The following FHOD3 variants were observed in gnomAD, a reference collection of about 807,000 sequenced individuals.
FHOD3 encodes FH1/FH2 domain-containing protein 3.
Under a neutral mutation model 173.0 loss-of-function variants are expected in FHOD3, and 90 were observed. The ratio of observed to expected loss-of-function variants is 0.52; its 90% CI spans 0.44 to 0.62. The LOEUF (loss-of-function observed/expected upper bound fraction) is 0.62. Among genes scored for constraint, FHOD3 ranks in the 20% least tolerant of loss-of-function variants. The probability of loss-of-function intolerance (pLI) is 0.00; values close to 1 mark genes in which losing one functional copy is unlikely to be tolerated. For synonymous variants in FHOD3, 828 were observed against 823.0 expected, an observed-to-expected ratio of 1.01 and a Z score of -0.10; for missense variants, 1,945 against 2,034.7, an observed-to-expected ratio of 0.96 and a Z score of 0.85.
At chr18:36,576,686 C>A in intron 6 of FHOD3, 141 bp downstream of exon 6, 4 of 527,896 alleles carry the variant, frequency 7.6e-6, no homozygotes, top group East Asian at 3.5e-5. Context: ...TACTACTCTA[C>A]AAATTTTAAG....
chr18:36,769,241 G>A (rs768751584), intron 27 of FHOD3, 24 bp from the exon 28 acceptor site: 13 of 1,612,732 alleles, frequency 8.1e-6, no homozygotes, highest in South Asian at 7.7e-5. Flanking sequence ...AGTATGTTGT[G>A]CACTCTGGCT....
At chr18:36,662,441 T>TC (rs2036874340) in intron 14 of FHOD3, among the ~76,000 whole-genome samples, 1 of 152,172 alleles carries the variant, frequency 6.6e-6, no homozygotes, top group Non-Finnish European at 1.5e-5. Context: ...ACCCAAAGGA[T>TC]CATATGCACT....
intron 6 of FHOD3, among the ~76,000 whole-genome samples, chr18:36,578,609 C>T (rs943876180): frequency 6.6e-6 from 1 of 152,180 alleles, no homozygotes; most frequent in Non-Finnish European, 1.5e-5. Flanking sequence ...GGGAGTCCAT[C>T]CCCTGGCCCT....
At chr18:36,749,529 A>G (rs1298990991) in intron 24 of FHOD3, among the ~76,000 whole-genome samples, 5 of 152,310 alleles carry the variant, frequency 3.3e-5, no homozygotes, top group East Asian at 3.9e-4. Flanking sequence ...TTATGGATGT[A>G]TAGTGTTTCG....
intron 3 of FHOD3, among the ~76,000 whole-genome samples, chr18:36,483,333 C>A (rs2054028080): frequency 6.6e-6 from 1 of 152,144 alleles, no homozygotes; most frequent in Non-Finnish European, 1.5e-5. Flanking sequence ...CGGCAAAGCT[C>A]CCAGGCACAG....
chr18:36,767,195 A>G (rs2150351086), intron 27 of FHOD3, among the ~76,000 whole-genome samples: 1 of 152,342 alleles, frequency 6.6e-6, no homozygotes, highest in East Asian at 1.9e-4. Context: ...CTGGCCTAAT[A>G]GCAAGTAGAT....
chr18:36,758,857 C>G (rs2042746549), intron 25 of FHOD3, among the ~76,000 whole-genome samples: 2 of 152,196 alleles, frequency 1.3e-5, no homozygotes, highest in Admixed American at 1.3e-4. Context: ...ACCTCAGGGA[C>G]AGCCCCAGAA....
At chr18:36,545,612 G>T (rs2057381901) in intron 5 of FHOD3, among the ~76,000 whole-genome samples, 1 of 152,218 alleles carries the variant, frequency 6.6e-6, no homozygotes, top group Non-Finnish European at 1.5e-5. Context: ...AAATATCTGT[G>T]TGTGTGTTGT....
chr18:36,501,654 T>C lies in FHOD3; in HGVS notation c.338-278T>C, dbSNP rs2146038243. On this transcript the variant is annotated intron_variant, in intron 3 of 28. Transcript: ENST00000590592. ...AAATCTAGGTGATAGTTGTCAGTGA[T>C]AGCCAGAGTGGATTTCTACCTGTTT... is the stretch of plus-strand genomic sequence containing the variant. 2.6e-5 allele frequency among the ~76,000 whole-genome samples: 4 copies of C among 152,282 alleles called. No homozygotes were observed. In the South Asian group the frequency reaches 8.3e-4, roughly 32 times the overall value.
intron 5 of FHOD3, among the ~76,000 whole-genome samples, chr18:36,554,966 C>T (rs914300395): frequency 1.3e-5 from 2 of 152,080 alleles, no homozygotes; most frequent in Admixed American, 1.3e-4. Flanking sequence ...ATTAATCTGG[C>T]TAGATATATA....
chr18:36,318,136 A>T (rs2044219693), intron 1 of FHOD3, among the ~76,000 whole-genome samples: 1 of 151,070 alleles, frequency 6.6e-6, no homozygotes, highest in Non-Finnish European at 1.5e-5. Context: ...GCCTTGTAGT[A>T]TAGTTTGAAG....
At chr18:36,320,746 C>CA (rs747837172) in intron 1 of FHOD3, among the ~76,000 whole-genome samples, 3 of 152,234 alleles carry the variant, frequency 2.0e-5, no homozygotes, top group Non-Finnish European at 4.4e-5. Context: ...GTGATACCCT[C>CA]AAAGTGCATT....
In FHOD3 at chr18:36,593,437, A is replaced by G. The variant is rs559519368; in HGVS notation, c.607-1350A>G. Among the ~76,000 whole-genome samples, 3 of 152,260 alleles carry G rather than the reference A, an allele frequency of 2.0e-5. No homozygotes were observed. The East Asian group carries it at 5.8e-4, about 29-fold the overall frequency. On this transcript the variant is annotated intron_variant, in intron 6 of 28. Coordinates refer to ENST00000590592, the MANE Select transcript of FHOD3 (RefSeq NM_001281740.3). Reference sequence around the variant, plus strand: ...TATGACAGCAGAGGAGAGGGAAGCAAGGGGGTAAAGGGGTTGCATGAATGT... The same window carrying G: ...TATGACAGCAGAGGAGAGGGAAGCAGGGGGGTAAAGGGGTTGCATGAATGT...
At chr18:36,614,066 A>G (rs1375852107) in intron 9 of FHOD3, among the ~76,000 whole-genome samples, 2 of 152,136 alleles carry the variant, frequency 1.3e-5, no homozygotes, top group Admixed American at 6.5e-5. Context: ...GGTTTTTAGC[A>G]TATTCACAAG....
intron 14 of FHOD3, among the ~76,000 whole-genome samples, chr18:36,659,175 G>A (rs1200682324): frequency 6.6e-6 from 1 of 152,188 alleles, no homozygotes; most frequent in Non-Finnish European, 1.5e-5. Flanking sequence ...TGGGTTGAGA[G>A]CAGGCAAGAC....
chr18:36,434,241 T>C (rs1023135760), intron 3 of FHOD3, among the ~76,000 whole-genome samples: 2 of 152,234 alleles, frequency 1.3e-5, no homozygotes, highest in East Asian at 3.8e-4. Flanking sequence ...ATAATCCAAT[T>C]TGACTTAATT....
chr18:36,428,019 G>A (rs9959182), intron 3 of FHOD3, among the ~76,000 whole-genome samples: 151 of 152,258 alleles, frequency 9.9e-4, no homozygotes, highest in African/African-American at 3.3e-3. Context: ...AACATTTTAT[G>A]CATTAGCTTT....
chr18:36,304,835 G>T (rs1196937543), intron 1 of FHOD3, among the ~76,000 whole-genome samples: 2 of 152,208 alleles, frequency 1.3e-5, no homozygotes, highest in Non-Finnish European at 2.9e-5. Flanking sequence ...TATAATAAGT[G>T]ATAACAATAT....
intron 19 of FHOD3, among the ~76,000 whole-genome samples, chr18:36,719,072 C>T (rs538234580): frequency 5.9e-5 from 9 of 152,300 alleles, no homozygotes; most frequent in South Asian, 4.1e-4. Flanking sequence ...TCACCAAACA[C>T]GGGATATGCT....
Sources: allele counts gnomAD v4.1 joint callset (sites outside exome capture counted in the v4.1 genomes callset), GRCh38; gene constraint gnomAD v4.1.1; transcripts MANE v1.5; gene names NCBI Gene and HGNC (gene_info 2026-07-23, HGNC 2026-07-21).